The following DTWD2 variants were observed in gnomAD, a reference collection of about 807,000 sequenced individuals.
The protein encoded by DTWD2 is tRNA-uridine aminocarboxypropyltransferase 2.
A neutral mutation model predicts 31.8 loss-of-function variants in DTWD2; 39 were observed. The observed-to-expected ratio is 1.22, with a 90% CI of 0.95 to 1.60. The LOEUF is 1.60. Among genes scored for constraint, DTWD2 ranks in the 40% most tolerant of loss-of-function variants. The pLI is 0.00. For synonymous variants in DTWD2, 180 were observed against 142.8 expected (o/e 1.26, Z -1.86); for missense variants, 515 against 381.5 (o/e 1.35, Z -2.92).
intron 4 of DTWD2, among the ~76,000 whole-genome samples, chr5:118,913,275 G>A (rs941877690): frequency 2.1e-4 from 32 of 151,778 alleles, no homozygotes; most frequent in Non-Finnish European, 5.9e-5. Flanking sequence ...CCTTCAACAC[G>A]AAGGACTTCT....
At chr5:118,851,606 A>G (rs1236162263) in intron 4 of DTWD2, among the ~76,000 whole-genome samples, 1 of 150,264 alleles carries the variant, frequency 6.7e-6, no homozygotes, top group Non-Finnish European at 1.5e-5. Context: ...TATTGTCTTG[A>G]TAAACATCTT....
rs772297041 is a variant in DTWD2 at position 118,934,925 on chromosome 5, G to A, written c.404+4271C>T. Among the ~76,000 whole-genome samples the A allele has an allele frequency of 3.9e-5, 6 of 152,118 alleles. No individual in the cohort carries two copies. The South Asian group carries it at 8.3e-4, about 21-fold the overall frequency. On this transcript the variant is annotated intron_variant, in intron 3 of 5. Coordinates refer to ENST00000510708, the MANE Select transcript of DTWD2 (RefSeq NM_173666.4). ...GAAATATATATTTGGTCTTCTTTCC[G>A]TTTCCTGGAATACAACTCCTAAAAT...
intron 4 of DTWD2, among the ~76,000 whole-genome samples, chr5:118,865,085 A>G (rs551824311): frequency 6.6e-6 from 1 of 152,308 alleles, no homozygotes; most frequent in East Asian, 1.9e-4. Context: ...ATGACTAATT[A>G]TTTACTTCAT....
chr5:118,893,292 T>C (rs1753013781), intron 4 of DTWD2, among the ~76,000 whole-genome samples: 1 of 141,240 alleles, frequency 7.1e-6, no homozygotes, highest in African/African-American at 2.7e-5. Context: ...ACCTGGGAAG[T>C]GGAGGTTGCA....
chr5:118,933,181 C>G lies in DTWD2; in HGVS notation c.405-4452G>C, dbSNP rs1251028486. ...AATTGAATCGATAATTAATAATCTT[C>G]TAAAAAAGAAATCACCAGGCCCAGG... is the stretch of plus-strand genomic sequence containing the variant. On this transcript the variant is annotated intron_variant, in intron 3 of 5. Transcript: ENST00000510708. Among the ~76,000 whole-genome samples the G allele has an allele frequency of 4.6e-5, 7 of 152,208 alleles. No individual in the cohort carries two copies. In the South Asian group the frequency reaches 1.2e-3, roughly 27 times the overall value.
At chr5:118,954,860 G>A (rs1372482216) in intron 1 of DTWD2, among the ~76,000 whole-genome samples, 2 of 151,986 alleles carry the variant, frequency 1.3e-5, no homozygotes, top group African/African-American at 4.8e-5. Flanking sequence ...CTAAACCTTT[G>A]AATGCTTTTC....
chr5:118,880,215 G>T (rs1436094912), intron 4 of DTWD2, among the ~76,000 whole-genome samples: 1 of 152,070 alleles, frequency 6.6e-6, no homozygotes, highest in East Asian at 1.9e-4. Flanking sequence ...CTAATTCTTA[G>T]ACCCACATTT....
chr5:118,875,434 T>C (rs772655646), intron 4 of DTWD2, among the ~76,000 whole-genome samples: 6 of 152,078 alleles, frequency 3.9e-5, no homozygotes, highest in African/African-American at 1.2e-4. Context: ...CCAAGACCTA[T>C]TGGTATGTTG....
intron 4 of DTWD2, among the ~76,000 whole-genome samples, chr5:118,884,674 T>C (rs1752815479): frequency 6.6e-6 from 1 of 152,232 alleles, no homozygotes; most frequent in South Asian, 2.1e-4. Context: ...ACACTTTGTA[T>C]CCTATTTCTC....
rs114962153 is a variant in DTWD2, at chr5:118,891,446, C to T, written c.597+37091G>A. Among the ~76,000 whole-genome samples, 519 of 152,290 alleles carry T rather than the reference C, an allele frequency of 3.4e-3. 4 individuals are homozygous for T. The highest frequency in any genetic ancestry group is 0.012 in the African/African-American group (507 of 41,564). ...ACTGGACCAATTTAATACAGTGCTTCTCCACCATTACCTTTGCCAACTGTG... is the reference window on the plus strand; with the variant it reads ...ACTGGACCAATTTAATACAGTGCTTTTCCACCATTACCTTTGCCAACTGTG... On this transcript the variant is annotated intron_variant, in intron 4 of 5. Transcript: ENST00000510708.
rs191964340 is a variant in DTWD2, at chr5:118,873,292, G to A, written c.598-25074C>T. On this transcript the variant is annotated intron_variant, in intron 4 of 5. Coordinates refer to ENST00000510708, the MANE Select transcript of DTWD2 (RefSeq NM_173666.4). ...GAAATGTCACACATGAACTCTGCAGGGCAGTCTTGCACGTTAGATGGGGCT... is the reference window on the plus strand; with the variant it reads ...GAAATGTCACACATGAACTCTGCAGAGCAGTCTTGCACGTTAGATGGGGCT... Among the ~76,000 whole-genome samples, 295 of 152,268 alleles carry A rather than the reference G, an allele frequency of 1.9e-3. 3 individuals carry two copies. Among genetic ancestry groups the A allele is most frequent in the Admixed American group, 0.017 (254 of 15,294 alleles).
Position 118,923,969 on chromosome 5 carries a change from G to T in DTWD2, c.597+4568C>A, listed in dbSNP as rs925295551. ...AAATTCTAAAAAAAATTCAAGAGCT[G>T]TCATAATTGCTGGGAAGACTGGCTT... is the stretch of plus-strand genomic sequence containing the variant. On this transcript the variant is annotated intron_variant, in intron 4 of 5. Coordinates refer to ENST00000510708, the MANE Select transcript of DTWD2 (RefSeq NM_173666.4). Among the ~76,000 whole-genome samples, 90 of 152,314 alleles carry T rather than the reference G, an allele frequency of 5.9e-4. 1 individual carries two copies. The highest frequency in any genetic ancestry group is 5.9e-3 in the Admixed American group (90 of 15,290).
At chr5:118,967,513 G>C (rs1452192432) in intron 1 of DTWD2, among the ~76,000 whole-genome samples, 3 of 152,166 alleles carry the variant, frequency 2.0e-5, no homozygotes, top group Admixed American at 2.0e-4. Flanking sequence ...TACAGTGTCA[G>C]AAAGTAAGAA....
intron 1 of DTWD2, among the ~76,000 whole-genome samples, chr5:118,948,319 C>CAA (rs974658573): frequency 7.0e-6 from 1 of 142,434 alleles, no homozygotes; most frequent in African/African-American, 2.6e-5. Context: ...ACTAAAAATA[C>CAA]AAAAAAAAAA....
chr5:118,848,061 T>A, intron 5 of DTWD2, 29 bp downstream of exon 5: 2 of 1,475,388 alleles, frequency 1.4e-6, no homozygotes, highest in Non-Finnish European at 1.8e-6. Context: ...ACTCCCACTT[T>A]GAAAAACTAT....
chr5:118,961,883 T>C (rs1224003972), intron 1 of DTWD2, among the ~76,000 whole-genome samples: 1 of 152,226 alleles, frequency 6.6e-6, no homozygotes, highest in Non-Finnish European at 1.5e-5. Flanking sequence ...TTTAGGTTAG[T>C]ATTACATTAC....
At chr5:118,902,661 A>C (rs1294386870) in intron 4 of DTWD2, among the ~76,000 whole-genome samples, 4 of 152,002 alleles carry the variant, frequency 2.6e-5, no homozygotes, top group Non-Finnish European at 4.4e-5. Context: ...CCCTGCAAAC[A>C]CCCATCTGGA....
intron 1 of DTWD2, among the ~76,000 whole-genome samples, chr5:118,951,123 G>A (rs1006751469): frequency 3.3e-5 from 5 of 152,168 alleles, no homozygotes; most frequent in Admixed American, 6.5e-5. Flanking sequence ...CCTTGACCAT[G>A]CCTTTAGCTC....
chr5:118,988,062 A>C (rs1755468184), intron 1 of DTWD2: 2 of 714,354 alleles, frequency 2.8e-6, no homozygotes, highest in African/African-American at 3.5e-5. Flanking sequence ...TGCTCATCCC[A>C]TGATACGCTC....
Sources: allele counts gnomAD v4.1 joint callset (sites outside exome capture counted in the v4.1 genomes callset), GRCh38; gene constraint gnomAD v4.1.1; transcripts MANE v1.5; gene names NCBI Gene and HGNC (gene_info 2026-07-23, HGNC 2026-07-21).